The following PLEKHA5 variants were observed in gnomAD, a reference collection of about 807,000 sequenced individuals.
The protein encoded by PLEKHA5 is pleckstrin homology domain containing A5, also known as pleckstrin homology domain-containing family A member 5.
In PLEKHA5, 55 loss-of-function variants were observed where a neutral mutation model predicts 181.9. That is an observed-to-expected ratio of 0.30 (90% confidence interval 0.24 to 0.38). The LOEUF (loss-of-function observed/expected upper bound fraction) is 0.38. Ranked by LOEUF, PLEKHA5 falls within the 10% of genes least tolerant of loss-of-function variation. PLEKHA5 has a pLI of 1.00. For synonymous variants in PLEKHA5, 535 were observed against 529.4 expected (o/e 1.01, Z -0.15); for missense variants, 1,432 against 1,549.5 (o/e 0.92, Z 1.27).
intron 21 of PLEKHA5, 135 bp from the exon 22 acceptor site, chr12:19,343,188 C>T (rs537184177): frequency 2.0e-6 from 1 of 504,862 alleles, no homozygotes; most frequent in African/African-American, 1.9e-5. Context: ...TCACATCAAT[C>T]ATATTAAATA....
intron 3 of PLEKHA5, among the ~76,000 whole-genome samples, chr12:19,177,290 A>G (rs185861919): frequency 8.5e-5 from 13 of 152,322 alleles, no homozygotes; most frequent in Non-Finnish European, 1.5e-4. Context: ...GTGATAATTA[A>G]TGATGTGTTA....
chr12:19,173,149 G>A (rs564333265), intron 3 of PLEKHA5, among the ~76,000 whole-genome samples: 5 of 147,366 alleles, frequency 3.4e-5, no homozygotes, highest in African/African-American at 9.9e-5. Context: ...TCAGCCTCCC[G>A]AGTAGCTGGG....
chr12:19,251,301 G>A (rs1592206591), intron 3 of PLEKHA5, among the ~76,000 whole-genome samples: 1 of 151,950 alleles, frequency 6.6e-6, no homozygotes, highest in South Asian at 2.1e-4. Flanking sequence ...AGCTAACTTG[G>A]GAGGCTGAGG....
At chr12:19,358,697 C>T (rs2095073355) in intron 27 of PLEKHA5, among the ~76,000 whole-genome samples, 1 of 152,114 alleles carries the variant, frequency 6.6e-6, no homozygotes, top group Non-Finnish European at 1.5e-5. Flanking sequence ...AGTGATGATA[C>T]AGCTGCCCAG....
chr12:19,337,943 A>C (rs1206609567), intron 21 of PLEKHA5, among the ~76,000 whole-genome samples: 1 of 151,880 alleles, frequency 6.6e-6, no homozygotes, highest in African/African-American at 2.4e-5. Flanking sequence ...AGGCAGGAGA[A>C]TCGCTTGAAC....
intron 3 of PLEKHA5, among the ~76,000 whole-genome samples, chr12:19,204,878 G>A (rs903808485): frequency 3.9e-5 from 6 of 152,064 alleles, no homozygotes; most frequent in Non-Finnish European, 7.4e-5. Context: ...AACAGAATAA[G>A]AGATTGAAAA....
intron 25 of PLEKHA5, among the ~76,000 whole-genome samples, chr12:19,353,224 G>T (rs1462013108): frequency 6.6e-6 from 1 of 152,064 alleles, no homozygotes; most frequent in Non-Finnish European, 1.5e-5. Flanking sequence ...CGCTATCTCA[G>T]CTCACTGCAA....
chr12:19,290,177 T>G (rs1286322984), intron 13 of PLEKHA5, among the ~76,000 whole-genome samples: 2 of 152,180 alleles, frequency 1.3e-5, no homozygotes, highest in East Asian at 3.9e-4. Flanking sequence ...GTGATCCGCC[T>G]CCCTCAGCCT....
At chr12:19,342,230 GA>G (rs2153175223) in intron 21 of PLEKHA5, among the ~76,000 whole-genome samples, 1 of 152,218 alleles carries the variant, frequency 6.6e-6, no homozygotes, top group East Asian at 1.9e-4. Context: ...GTATTATCCA[GA>G]ATGGTGTTAT....
intron 3 of PLEKHA5, among the ~76,000 whole-genome samples, chr12:19,199,601 C>G (rs774363969): frequency 6.6e-6 from 1 of 152,122 alleles, no homozygotes; most frequent in Non-Finnish European, 1.5e-5. Flanking sequence ...CAGTAGCCAA[C>G]CACACTTAGA....
intron 26 of PLEKHA5, among the ~76,000 whole-genome samples, chr12:19,354,878 C>T (rs1362998458): frequency 6.6e-6 from 1 of 152,150 alleles, no homozygotes; most frequent in Non-Finnish European, 1.5e-5. Flanking sequence ...GGGTCATAGT[C>T]GTAGTCCACA....
intron 3 of PLEKHA5, among the ~76,000 whole-genome samples, chr12:19,166,190 T>C (rs2044327895): frequency 1.3e-5 from 2 of 152,306 alleles, no homozygotes; most frequent in Admixed American, 1.3e-4. Flanking sequence ...GTAACAGTTC[T>C]TTATATAAAA....
intron 5 of PLEKHA5, among the ~76,000 whole-genome samples, chr12:19,255,698 G>A (rs2066687910): frequency 6.6e-6 from 1 of 151,676 alleles, no homozygotes; most frequent in African/African-American, 2.4e-5. Context: ...GGCTAACTGA[G>A]CATAATGCTT....
At chr12:19,183,242 T>C (rs1205449769) in intron 3 of PLEKHA5, among the ~76,000 whole-genome samples, 1 of 152,192 alleles carries the variant, frequency 6.6e-6, no homozygotes, top group Non-Finnish European at 1.5e-5. Flanking sequence ...AGTATCTCCC[T>C]TGTATAGATT....
At chr12:19,300,972 TA>T (rs57234099) in intron 15 of PLEKHA5, among the ~76,000 whole-genome samples, 1,720 of 127,592 alleles carry the variant, frequency 0.013, 37 homozygotes, top group African/African-American at 0.045. Context: ...CCATCTCTAC[TA>T]AAAAAAAAAA....
intron 3 of PLEKHA5, among the ~76,000 whole-genome samples, chr12:19,190,572 T>C (rs2050871347): frequency 6.6e-6 from 1 of 152,210 alleles, no homozygotes; most frequent in Non-Finnish European, 1.5e-5. Context: ...TTGGACATTC[T>C]AGACTTAAAA....
rs758716253 is a variant in PLEKHA5 at position 19,336,596 on chromosome 12, G to T, written c.2530G>T (p.Asp844Tyr). ...VTRNQMQEQL[D>Y]HLGEVQTESA... ...CAGGAACCAGATGCAAGAGCAGCTG[G>T]ATCACCTTGGTGAAGTTCAGGTACA... The change falls in exon 21 of 32, where the codon GAT becomes TAT. Residue 844 changes from aspartate (D) to tyrosine (Y), a missense_variant. Coordinates refer to ENST00000429027, the MANE Select transcript of PLEKHA5 (RefSeq NM_001256470.2). 20 of 1,592,400 alleles carry T rather than the reference G, an allele frequency of 1.3e-5. No homozygotes were observed. Among genetic ancestry groups the T allele is most frequent in the Admixed American group, 6.7e-5 (4 of 59,670 alleles).
At chr12:19,309,513 T>C (rs2085570046) in intron 15 of PLEKHA5, among the ~76,000 whole-genome samples, 1 of 152,082 alleles carries the variant, frequency 6.6e-6, no homozygotes. Flanking sequence ...CCCAACACTT[T>C]GGGAGGCCGA....
At chr12:19,146,329 T>A (rs1027811450) in intron 3 of PLEKHA5, among the ~76,000 whole-genome samples, 1 of 152,248 alleles carries the variant, frequency 6.6e-6, no homozygotes, top group African/African-American at 2.4e-5. Context: ...CCCATTTGAA[T>A]CTCTTCTGTA....
Sources: allele counts gnomAD v4.1 joint callset (sites outside exome capture counted in the v4.1 genomes callset), GRCh38; gene constraint gnomAD v4.1.1; transcripts MANE v1.5; gene names NCBI Gene and HGNC (gene_info 2026-07-23, HGNC 2026-07-21).